Variants in RAB9B observed in about 807,000 individuals in gnomAD.
RAB9B encodes ras-related protein Rab-9B.
Under a neutral mutation model 8.9 loss-of-function variants are expected in RAB9B, and 1 was observed. The observed-to-expected ratio is 0.11, with a 90% CI of 0.04 to 0.53. The LOEUF is 0.53. Ranked by LOEUF, RAB9B falls within the 20% of genes least tolerant of loss-of-function variation. RAB9B has a pLI of 0.93. For missense variants in RAB9B, 82 were observed against 152.9 expected, an observed-to-expected ratio of 0.54 and a Z score of 2.45; for synonymous variants, 63 against 57.0, an observed-to-expected ratio of 1.10 and a Z score of -0.47.
downstream of RAB9B, among the ~76,000 whole-genome samples, chrX:103,818,242 A>G (rs908783077): frequency 1.8e-5 from 2 of 111,642 alleles, no homozygotes; most frequent in African/African-American, 6.5e-5. Context: ...AAATAAATGT[A>G]AATGACAGCA....
the RAB9B span, among the ~76,000 whole-genome samples, chrX:103,796,560 G>A: frequency 1.3e-4 from 14 of 110,946 alleles, no homozygotes; most frequent in Non-Finnish European, 2.3e-4. Context: ...ACTTTATCAA[G>A]CACTGTATCT....
At chrX:103,805,540 A>C in the RAB9B span, among the ~76,000 whole-genome samples, 1 of 111,242 alleles carries the variant, frequency 9.0e-6, no homozygotes, top group African/African-American at 3.3e-5. Flanking sequence ...TATTTTTGGA[A>C]GAATTTGTGA....
At chrX:103,828,571 A>C (rs746157406) in intron 1 of RAB9B, among the ~76,000 whole-genome samples, 2 of 112,209 alleles carry the variant, frequency 1.8e-5, no homozygotes, top group South Asian at 7.4e-4. Flanking sequence ...CGTCCAGGCC[A>C]CACAAGCTTC....
chrX:103,796,845 T>TACAA, the RAB9B span, among the ~76,000 whole-genome samples: 2 of 16,187 alleles, frequency 1.2e-4, no homozygotes, highest in Non-Finnish European at 2.1e-4. Context: ...ACACCGCCTC[T>TACAA]ACAAAAAAAA....
chrX:103,795,320 T>C, the RAB9B span, among the ~76,000 whole-genome samples: 1 of 111,277 alleles, frequency 9.0e-6, no homozygotes, highest in Non-Finnish European at 1.9e-5. Context: ...GTATTTAAGA[T>C]TGAAAAACAT....
At chrX:103,825,939 T>C in intron 2 of RAB9B, 113 bp from the exon 3 acceptor site, 1 of 542,275 alleles carries the variant, frequency 1.8e-6, no homozygotes, top group Non-Finnish European at 3.0e-6. Context: ...CTCTGATTTA[T>C]GCTCATTAAT....
the RAB9B span, among the ~76,000 whole-genome samples, chrX:103,813,745 CAAAAAAAAAAAAAA>C: frequency 5.9e-4 from 5 of 8,542 alleles, no homozygotes; most frequent in African/African-American, 2.4e-3. Context: ...AAATGGAAAG[CAAAAAAAAAAAAAA>C]AAAAAAAAAA....
In RAB9B at chrX:103,823,229, G is replaced by C. The variant is rs769493177; in HGVS notation, c.*1950C>G. On this transcript the variant is annotated 3_prime_UTR_variant, in exon 3 of 3. Transcript: ENST00000243298. Reference sequence around the variant, plus strand: ...ACATGATTGTAGCAAAATGATCACAGAACTTGGAAACCAGTGTGGCTGGCT... The same window carrying C: ...ACATGATTGTAGCAAAATGATCACACAACTTGGAAACCAGTGTGGCTGGCT... 5 of 111,811 alleles carry C rather than the reference G, an allele frequency of 4.5e-5. No homozygotes were observed. In the Admixed American group the frequency reaches 4.8e-4, roughly 11 times the overall value. 9.2% of individuals were successfully genotyped at this position (111,811 alleles called of 1,213,427 possible).
the RAB9B span, among the ~76,000 whole-genome samples, chrX:103,802,042 G>T: frequency 2.3e-4 from 26 of 110,964 alleles, no homozygotes; most frequent in African/African-American, 8.2e-4. Context: ...ATTTTATCAA[G>T]AAATTAACAG....
At position 103,824,784 on chromosome X, in the gene RAB9B, TC is replaced by T. The variant is rs756072515; in HGVS notation, c.*394del. The stretch of plus-strand genomic sequence containing the variant: ...AATGTCAGAAACTGCTTGGCAAGAG[TC>T]TGATAGTGACATTTGTTAGTTGATT... On this transcript the variant is annotated 3_prime_UTR_variant, in exon 3 of 3. Transcript: ENST00000243298. 4.2e-3 allele frequency: 479 copies of T among 113,778 alleles called. 5 individuals are homozygous for T. The highest frequency in any genetic ancestry group is 0.015 in the African/African-American group (448 of 30,739). 9.4% of individuals were successfully genotyped at this position (113,778 alleles called of 1,213,427 possible).
rs1453722421 is a variant in RAB9B, at chrX:103,823,232, C to A, written c.*1947G>T. 2.7e-5 allele frequency: 3 copies of A among 111,807 alleles called. No homozygotes were observed. Among genetic ancestry groups the A allele is most frequent in the South Asian group, 3.8e-4 (1 of 2,649 alleles). The allele number at this position is 111,807 out of a possible 1,213,427, so 9.2% of individuals were successfully genotyped here. A position where few individuals can be genotyped will look rare whatever the true frequency, so the allele number is the denominator to read the frequency against. ...TGATTGTAGCAAAATGATCACAGAA[C>A]TTGGAAACCAGTGTGGCTGGCTATA... On this transcript the variant is annotated 3_prime_UTR_variant, in exon 3 of 3. Transcript: ENST00000243298.
At chrX:103,776,764 G>A in the RAB9B span, 3 of 299,883 alleles carry the variant, frequency 1.0e-5, no homozygotes, top group Non-Finnish European at 1.7e-5. Flanking sequence ...GGGGAAAAGG[G>A]GAGGAGAAGG....
chrX:103,805,974 T>C, the RAB9B span, among the ~76,000 whole-genome samples: 1 of 111,322 alleles, frequency 9.0e-6, no homozygotes, highest in Non-Finnish European at 1.9e-5. Flanking sequence ...AGGGTCTCAC[T>C]CTGTCACCCA....
chrX:103,777,163 C>T, the RAB9B span, among the ~76,000 whole-genome samples: 284 of 112,002 alleles, frequency 2.5e-3, 1 homozygote, highest in African/African-American at 8.5e-3. Context: ...ACTCCTTCTC[C>T]GCTGTACTAA....
At chrX:103,812,378 C>T in the RAB9B span, among the ~76,000 whole-genome samples, 1 of 111,641 alleles carries the variant, frequency 9.0e-6, no homozygotes, top group Non-Finnish European at 1.9e-5. Context: ...TTGCCAATAG[C>T]TATTTTTCTT....
At chrX:103,783,364 T>C in the RAB9B span, among the ~76,000 whole-genome samples, 148 of 112,682 alleles carry the variant, frequency 1.3e-3, 1 homozygote, top group African/African-American at 4.6e-3. Context: ...TTGCTTCTTA[T>C]AGAGGCCAAG....
chrX:103,798,688 G>A, the RAB9B span, among the ~76,000 whole-genome samples: 1 of 106,614 alleles, frequency 9.4e-6, no homozygotes, highest in African/African-American at 3.4e-5. Flanking sequence ...TGTCACCCAG[G>A]CTGGAGTGTA....
chrX:103,788,091 C>T, the RAB9B span: 14 of 585,124 alleles, frequency 2.4e-5, no homozygotes, highest in Non-Finnish European at 3.7e-5. Flanking sequence ...ATGATTGGGT[C>T]TTAGTTTATT....
chrX:103,787,565 C>A, the RAB9B span: 1 of 440,878 alleles, frequency 2.3e-6, no homozygotes, highest in Non-Finnish European at 4.0e-6. Flanking sequence ...CAGGGATCCT[C>A]CTCACTCTTC....
Sources: allele counts gnomAD v4.1 joint callset (sites outside exome capture counted in the v4.1 genomes callset), GRCh38; gene constraint gnomAD v4.1.1; transcripts MANE v1.5; gene names NCBI Gene and HGNC (gene_info 2026-07-23, HGNC 2026-07-21).